Variants in LRFN5 observed in about 807,000 individuals in gnomAD.
LRFN5 encodes leucine rich repeat and fibronectin type III domain containing 5.
A neutral mutation model predicts 45.6 loss-of-function variants in LRFN5; 24 were observed. That is an observed-to-expected ratio of 0.53 (90% confidence interval 0.38 to 0.74). LRFN5 has a LOEUF of 0.74. LRFN5 is among the 30% of genes least tolerant of loss of function. The pLI, the probability that LRFN5 is intolerant of heterozygous loss-of-function variation, is 0.00. For synonymous variants in LRFN5, 340 were observed against 313.8 expected (o/e 1.08, Z -0.88); for missense variants, 776 against 861.5 (o/e 0.90, Z 1.24).
intron 5 of LRFN5, among the ~76,000 whole-genome samples, chr14:41,900,180 A>G (rs1355236757): frequency 4.6e-5 from 7 of 152,068 alleles, no homozygotes; most frequent in Admixed American, 1.3e-4. Flanking sequence ...CCTTTATATA[A>G]TAATTAGGAA....
chr14:41,660,872 A>G (rs1045582313), intron 1 of LRFN5, among the ~76,000 whole-genome samples: 3 of 151,334 alleles, frequency 2.0e-5, no homozygotes, highest in South Asian at 2.1e-4. Flanking sequence ...TGCATAGTTA[A>G]ATAAATTAAG....
intron 1 of LRFN5, among the ~76,000 whole-genome samples, chr14:41,743,424 T>A (rs1884791289): frequency 6.6e-6 from 1 of 151,936 alleles, no homozygotes; most frequent in Non-Finnish European, 1.5e-5. Flanking sequence ...GGAAATAATA[T>A]GTAAAATAAA....
chr14:41,891,230 CAA>C lies in LRFN5; in HGVS notation c.1386-18_1386-17del, dbSNP rs1566508737. 6.3e-7 allele frequency: 1 copy of C among 1,596,216 alleles called. No individual in the cohort carries two copies. The highest frequency in any genetic ancestry group is 8.5e-7 in the Non-Finnish European group (1 of 1,170,246). The stretch of plus-strand genomic sequence containing the variant: ...TTTTGTTTTGTTATTAATATTAACA[CAA>C]ATTCCATTGTCCCTCAGAATGATAC... On this transcript the variant is annotated intron_variant, in intron 3 of 5. Coordinates refer to ENST00000298119, the MANE Select transcript of LRFN5 (RefSeq NM_152447.5).
chr14:41,826,981 A>C (rs1465962494), intron 2 of LRFN5, among the ~76,000 whole-genome samples: 2 of 152,178 alleles, frequency 1.3e-5, no homozygotes, highest in Non-Finnish European at 2.9e-5. Flanking sequence ...CATTGAGTAA[A>C]ACAGATCAAA....
intron 1 of LRFN5, among the ~76,000 whole-genome samples, chr14:41,703,081 A>G (rs1301131566): frequency 6.6e-6 from 1 of 152,148 alleles, no homozygotes; most frequent in Non-Finnish European, 1.5e-5. Flanking sequence ...AACTAGGAAT[A>G]TTTTAAGACT....
At chr14:41,853,506 A>C (rs1230385612) in intron 2 of LRFN5, among the ~76,000 whole-genome samples, 3 of 152,106 alleles carry the variant, frequency 2.0e-5, no homozygotes, top group African/African-American at 7.2e-5. Context: ...GTAACTCTTA[A>C]GCGAACTTTT....
chr14:41,680,857 CA>C (rs1477775897), intron 1 of LRFN5, among the ~76,000 whole-genome samples: 1 of 151,712 alleles, frequency 6.6e-6, no homozygotes, highest in African/African-American at 2.4e-5. Flanking sequence ...GGAAGCTCAA[CA>C]AAATTTAAGT....
chr14:41,665,622 TAA>T (rs1880859982), intron 1 of LRFN5, among the ~76,000 whole-genome samples: 1 of 152,068 alleles, frequency 6.6e-6, no homozygotes, highest in Non-Finnish European at 1.5e-5. Context: ...AACTTTACTA[TAA>T]TAGTATCCTG....
chr14:41,650,321 A>G (rs1431606078), intron 1 of LRFN5, among the ~76,000 whole-genome samples: 1 of 151,772 alleles, frequency 6.6e-6, no homozygotes, highest in African/African-American at 2.4e-5. Context: ...TAATTTACCT[A>G]TAATATTAAT....
intron 2 of LRFN5, among the ~76,000 whole-genome samples, chr14:41,857,195 T>A (rs922076710): frequency 1.3e-5 from 2 of 152,202 alleles, no homozygotes; most frequent in Non-Finnish European, 2.9e-5. Context: ...TTAATCTTCA[T>A]ATTATTGTTT....
intron 1 of LRFN5, among the ~76,000 whole-genome samples, chr14:41,629,064 A>G (rs1249181648): frequency 2.0e-5 from 3 of 152,330 alleles, no homozygotes; most frequent in African/African-American, 4.8e-5. Flanking sequence ...ATAGATCTAT[A>G]TAGATATTTA....
chr14:41,718,223 G>C lies in LRFN5; in HGVS notation c.-196-48631G>C, dbSNP rs1883569152. 2.6e-5 allele frequency among the ~76,000 whole-genome samples: 4 copies of C among 152,076 alleles called. No individual in the cohort carries two copies. The South Asian group carries it at 8.3e-4, about 32-fold the overall frequency. On this transcript the variant is annotated intron_variant, in intron 1 of 5. Transcript: ENST00000298119. Reference sequence around the variant, plus strand: ...GCCTTAGGTTCCTCATCTGTCAAAAGGAAATATCATATCTATTTGTAATGC... The same window carrying C: ...GCCTTAGGTTCCTCATCTGTCAAAACGAAATATCATATCTATTTGTAATGC...
At chr14:41,645,781 G>A (rs1333144858) in intron 1 of LRFN5, among the ~76,000 whole-genome samples, 2 of 152,154 alleles carry the variant, frequency 1.3e-5, no homozygotes, top group Non-Finnish European at 2.9e-5. Flanking sequence ...TAGATTGGAA[G>A]GGCAGAGTGA....
At chr14:41,623,129 A>C (rs1211308634) in intron 1 of LRFN5, among the ~76,000 whole-genome samples, 1 of 152,196 alleles carries the variant, frequency 6.6e-6, no homozygotes, top group Non-Finnish European at 1.5e-5. Context: ...CCAGCCCTCT[A>C]AAGGGTCATT....
chr14:41,669,189 C>G (rs1019364527), intron 1 of LRFN5, among the ~76,000 whole-genome samples: 12 of 151,482 alleles, frequency 7.9e-5, no homozygotes, highest in African/African-American at 2.9e-4. Flanking sequence ...AAATATGAAG[C>G]CTTACTAATA....
At chr14:41,757,748 C>T (rs534192794) in intron 1 of LRFN5, among the ~76,000 whole-genome samples, 8 of 152,268 alleles carry the variant, frequency 5.3e-5, no homozygotes, top group South Asian at 2.1e-4. Context: ...ACGCTCGGTG[C>T]GCTGCACCCA....
chr14:41,643,723 ACACAC>A (rs1190842415), intron 1 of LRFN5, among the ~76,000 whole-genome samples: 1 of 152,030 alleles, frequency 6.6e-6, no homozygotes, highest in African/African-American at 2.4e-5. Context: ...ACACACACAC[ACACAC>A]ACACTGACTG....
intron 2 of LRFN5, among the ~76,000 whole-genome samples, chr14:41,809,710 T>A (rs1887674305): frequency 1.3e-5 from 2 of 151,628 alleles, no homozygotes; most frequent in African/African-American, 2.4e-5. Context: ...TATTCTTTTT[T>A]AAATTATGGC....
At chr14:41,656,334 T>C (rs1364818674) in intron 1 of LRFN5, among the ~76,000 whole-genome samples, 1 of 152,072 alleles carries the variant, frequency 6.6e-6, no homozygotes, top group East Asian at 1.9e-4. Flanking sequence ...ATGCTAATCC[T>C]ACCCACTTAA....
Sources: allele counts gnomAD v4.1 joint callset (sites outside exome capture counted in the v4.1 genomes callset), GRCh38; gene constraint gnomAD v4.1.1; transcripts MANE v1.5; gene names NCBI Gene and HGNC (gene_info 2026-07-23, HGNC 2026-07-21).